The following PTPRA variants were observed in gnomAD, a reference collection of about 807,000 sequenced individuals.
PTPRA encodes the protein receptor-type tyrosine-protein phosphatase alpha.
In PTPRA, 25 loss-of-function variants were observed where a neutral mutation model predicts 104.8. That is an observed-to-expected ratio of 0.24 (90% CI 0.17 to 0.33). PTPRA has a LOEUF of 0.33. Among genes scored for constraint, PTPRA ranks in the 10% least tolerant of loss-of-function variants. PTPRA has a pLI of 1.00. For missense variants in PTPRA, 765 were observed against 1,015.3 expected, an observed-to-expected ratio of 0.75 and a Z score of 3.35; for synonymous variants, 323 against 368.9, an observed-to-expected ratio of 0.88 and a Z score of 1.43.
the PTPRA span, chr20:2,864,194 C>G: frequency 6.2e-7 from 1 of 1,614,214 alleles, no homozygotes; most frequent in Non-Finnish European, 8.5e-7. This position sits in a 1 kb window ranked among gnomAD's most constrained non-coding sequence, Gnocchi z 5.2. Context: ...GGAGTATGAG[C>G]CACGCTCAGG....
At chr20:3,004,100 C>G (rs2063751591) in intron 9 of PTPRA, among the ~76,000 whole-genome samples, 1 of 152,194 alleles carries the variant, frequency 6.6e-6, no homozygotes, top group Non-Finnish European at 1.5e-5. Flanking sequence ...TCACTGCAAC[C>G]TCCACCTCCC....
intron 5 of PTPRA, among the ~76,000 whole-genome samples, chr20:2,971,500 T>C (rs950912204): frequency 2.6e-5 from 4 of 152,228 alleles, no homozygotes; most frequent in Non-Finnish European, 4.4e-5. Flanking sequence ...TCAAGTCATC[T>C]CATCTGCATA....
In PTPRA at chr20:3,027,850, A is replaced by G; in HGVS notation, c.1920+9A>G. ...TGGAGGAGAGAGGCCAGGTGAGTTC[A>G]AAAGGTCCTGGGTGGTGAGAGACAG... On this transcript the variant is annotated intron_variant, in intron 20 of 23. Transcript: ENST00000399903. 6.2e-7 allele frequency: 1 copy of G among 1,613,844 alleles called. No individual in the cohort carries two copies. The highest frequency in any genetic ancestry group is 8.5e-7 in the Non-Finnish European group (1 of 1,179,874).
intron 3 of PTPRA, among the ~76,000 whole-genome samples, chr20:2,962,024 A>G (rs1197857362): frequency 6.6e-6 from 1 of 152,230 alleles, no homozygotes; most frequent in Non-Finnish European, 1.5e-5. Flanking sequence ...CTTGAAGTCC[A>G]ATAGCATTAA....
At chr20:2,947,601 T>C (rs2061184288) in intron 2 of PTPRA, among the ~76,000 whole-genome samples, 2 of 152,252 alleles carry the variant, frequency 1.3e-5, no homozygotes, top group South Asian at 4.1e-4. Context: ...TCCACAGGCA[T>C]TGTGAAAGTA....
chr20:2,890,637 G>A (rs1048574464), intron 1 of PTPRA, among the ~76,000 whole-genome samples: 3 of 152,176 alleles, frequency 2.0e-5, no homozygotes, highest in South Asian at 4.2e-4. Context: ...AGGGGAGAGT[G>A]TGTAAAGGAT....
At chr20:2,962,343 C>T (rs1176192061) in intron 3 of PTPRA, among the ~76,000 whole-genome samples, 2 of 152,144 alleles carry the variant, frequency 1.3e-5, no homozygotes, top group Non-Finnish European at 2.9e-5. Flanking sequence ...TTTCCTCATC[C>T]TGAGCTCACA....
chr20:3,036,258 G>A (rs568513), intron 22 of PTPRA, among the ~76,000 whole-genome samples: 1 of 152,044 alleles, frequency 6.6e-6, no homozygotes, highest in African/African-American at 2.4e-5. Context: ...TGTCTCCCAG[G>A]TTTGAGCCTG....
At chr20:2,887,963 T>A (rs1000276246) in intron 1 of PTPRA, among the ~76,000 whole-genome samples, 2 of 152,228 alleles carry the variant, frequency 1.3e-5, no homozygotes, top group African/African-American at 4.8e-5. Context: ...CTCTTGGGCC[T>A]GCCCACTTTG....
At chr20:2,879,179 C>G (rs775239447) in intron 1 of PTPRA, among the ~76,000 whole-genome samples, 16 of 152,170 alleles carry the variant, frequency 1.1e-4, no homozygotes, top group Non-Finnish European at 1.9e-4. Context: ...CAGAGAAGTT[C>G]AGCAGCTAAA....
In PTPRA at chr20:3,021,422, C is replaced by T. The variant is rs2064862367; in HGVS notation, c.1155C>T (p.Ile385=). 21 of 1,613,880 alleles carry T rather than the reference C, an allele frequency of 1.3e-5. No homozygotes were observed. Among genetic ancestry groups the T allele is most frequent in the Non-Finnish European group, 1.4e-5 (17 of 1,179,916 alleles). ...LVDYTVRKFC[I]QQVGDMTNRK... is the part of the protein sequence containing the mutation. ...ACTACACAGTACGGAAGTTCTGCAT[C>T]CAGCAGGTAGTGTCTCCTCTGTCCT... is the stretch of plus-strand genomic sequence containing the variant. The change falls in exon 14 of 24, where the codon ATC becomes ATT. Residue 385 remains isoleucine, a synonymous_variant. Coordinates refer to ENST00000399903, the MANE Select transcript of PTPRA (RefSeq NM_001385305.1).
chr20:2,896,166 T>C (rs1343949514), intron 1 of PTPRA, among the ~76,000 whole-genome samples: 1 of 151,908 alleles, frequency 6.6e-6, no homozygotes, highest in African/African-American at 2.4e-5. Context: ...CTTGAGGTCA[T>C]GAGTTCAAGA....
At chr20:3,001,681 A>G (rs539097543) in intron 9 of PTPRA, among the ~76,000 whole-genome samples, 1 of 152,344 alleles carries the variant, frequency 6.6e-6, no homozygotes, top group East Asian at 1.9e-4. Context: ...CGTGTGTAAG[A>G]GTCCAGCCCA....
At chr20:2,954,529 C>T (rs2061467904) in intron 3 of PTPRA, among the ~76,000 whole-genome samples, 2 of 152,286 alleles carry the variant, frequency 1.3e-5, no homozygotes, top group African/African-American at 4.8e-5. Context: ...GGCCCCTTTG[C>T]CCATTTTAAA....
At chr20:2,870,584 G>C (rs1251293138), upstream of PTPRA, among the ~76,000 whole-genome samples, 2 of 152,188 alleles carry the variant, frequency 1.3e-5, no homozygotes, top group Admixed American at 1.3e-4. Context: ...CTTATTCCCT[G>C]CTGTGTCCAG....
intron 2 of PTPRA, among the ~76,000 whole-genome samples, chr20:2,947,326 T>A (rs1164283188): frequency 6.6e-6 from 1 of 152,222 alleles, no homozygotes; most frequent in African/African-American, 2.4e-5. Context: ...TTTCTGTCTT[T>A]GGCCACAGAC....
intron 1 of PTPRA, among the ~76,000 whole-genome samples, chr20:2,876,438 A>G (rs1272705726): frequency 6.6e-6 from 1 of 152,046 alleles, no homozygotes; most frequent in Non-Finnish European, 1.5e-5. Flanking sequence ...TACTCCTCCC[A>G]CCATGGGACG....
chr20:2,934,484 T>C (rs2060619658), intron 2 of PTPRA, among the ~76,000 whole-genome samples: 1 of 152,166 alleles, frequency 6.6e-6, no homozygotes, highest in Non-Finnish European at 1.5e-5. Flanking sequence ...TATTATTGTA[T>C]TAATATAATC....
chr20:3,011,626 G>T (rs1317662792), intron 11 of PTPRA, among the ~76,000 whole-genome samples: 1 of 152,220 alleles, frequency 6.6e-6, no homozygotes, highest in Non-Finnish European at 1.5e-5. Context: ...GCAGTCTTAG[G>T]TTATAAGGTA....
Sources: gnomAD v4.1 joint callset for allele counts (sites outside exome capture counted in the v4.1 genomes callset) on GRCh38, gnomAD v4.1.1 for gene constraint, Gnocchi (gnomAD v3.1) non-coding constraint, MANE v1.5 for transcripts, NCBI Gene and HGNC (gene_info 2026-07-23, HGNC 2026-07-21) for gene names.